Variants in KPNA1 observed in about 807,000 individuals in gnomAD.
KPNA1 encodes the protein importin subunit alpha-5.
KPNA1 carries 10 observed loss-of-function variants against 70.5 expected under a neutral mutation model. The observed-to-expected ratio is 0.14, with a 90% CI of 0.09 to 0.24. The LOEUF (loss-of-function observed/expected upper bound fraction) is 0.24. KPNA1 is among the 10% of genes least tolerant of loss of function. The pLI is 1.00. For synonymous variants in KPNA1, 192 were observed against 221.9 expected (o/e 0.87, Z 1.20); for missense variants, 397 against 637.9 (o/e 0.62, Z 4.07).
At chr3:122,490,596 G>C (rs1181458544) in intron 2 of KPNA1, among the ~76,000 whole-genome samples, 1 of 152,134 alleles carries the variant, frequency 6.6e-6, no homozygotes, top group African/African-American at 2.4e-5. Flanking sequence ...AAACTCCAGT[G>C]ATCTCAGAAA....
chr3:122,481,588 C>A (rs1330604170), intron 2 of KPNA1, among the ~76,000 whole-genome samples: 1 of 152,150 alleles, frequency 6.6e-6, no homozygotes, highest in Non-Finnish European at 1.5e-5. Context: ...CTAAAATGTT[C>A]TAAAATTGGT....
intron 2 of KPNA1, among the ~76,000 whole-genome samples, chr3:122,467,995 G>A (rs1054571368): frequency 3.3e-5 from 5 of 152,156 alleles, no homozygotes; most frequent in Non-Finnish European, 7.4e-5. Flanking sequence ...CAGCCAACGA[G>A]GGTGATTACC....
chr3:122,455,014 T>C (rs1046943779), intron 5 of KPNA1, among the ~76,000 whole-genome samples: 34 of 152,242 alleles, frequency 2.2e-4, no homozygotes, highest in African/African-American at 8.2e-4. Context: ...TTCTGTCTTC[T>C]ATTTAATAAA....
intron 5 of KPNA1, among the ~76,000 whole-genome samples, chr3:122,457,201 GATTTGCCATCT>G: frequency 6.6e-6 from 1 of 152,216 alleles, no homozygotes; most frequent in African/African-American, 2.4e-5. Flanking sequence ...ATTCCACTGA[GATTTGCCATCT>G]ATTTTTTTGT....
chr3:122,449,800 A>C, intron 8 of KPNA1, 63 bp from the exon 9 acceptor site: 3 of 1,363,280 alleles, frequency 2.2e-6, no homozygotes, highest in East Asian at 2.4e-5. Context: ...GAGGTGAGAT[A>C]CTCAAGAAGG....
At chr3:122,455,916 A>G (rs2107740322) in intron 5 of KPNA1, among the ~76,000 whole-genome samples, 2 of 152,314 alleles carry the variant, frequency 1.3e-5, no homozygotes, top group Middle Eastern at 6.8e-3. Flanking sequence ...CAACCCAGAG[A>G]TGTAAAGTAT....
chr3:122,451,887 G>C, intron 7 of KPNA1, 89 bp downstream of exon 7: 1 of 874,886 alleles, frequency 1.1e-6, no homozygotes, highest in Non-Finnish European at 1.8e-6. Context: ...AATCCAAAAT[G>C]ATTTCCAAAC....
At chr3:122,513,371 A>C (rs377530660) in intron 1 of KPNA1, among the ~76,000 whole-genome samples, 26 of 152,268 alleles carry the variant, frequency 1.7e-4, no homozygotes, top group African/African-American at 6.3e-4. Flanking sequence ...AGTGTCTTCC[A>C]AGAATATTTC....
chr3:122,438,050 T>G (rs927930680), intron 10 of KPNA1, among the ~76,000 whole-genome samples: 5 of 152,202 alleles, frequency 3.3e-5, no homozygotes, highest in African/African-American at 7.2e-5. Flanking sequence ...ATGGTTTGGA[T>G]CTGTGTCCCC....
intron 2 of KPNA1, among the ~76,000 whole-genome samples, chr3:122,492,677 A>G (rs2076713694): frequency 6.6e-6 from 1 of 152,376 alleles, no homozygotes; most frequent in South Asian, 2.1e-4. Flanking sequence ...TGGACAGCAT[A>G]GCTCAACCAT....
At chr3:122,427,238 A>G (rs529243605) in intron 13 of KPNA1, 66 bp from the exon 14 acceptor site, 5 of 1,154,492 alleles carry the variant, frequency 4.3e-6, no homozygotes, top group South Asian at 4.2e-5. Context: ...TTCCATAACT[A>G]TATATTCCTA....
At chr3:122,470,785 T>C (rs1056219227) in intron 2 of KPNA1, among the ~76,000 whole-genome samples, 2 of 150,258 alleles carry the variant, frequency 1.3e-5, no homozygotes, top group African/African-American at 2.5e-5. Context: ...ATGGAAATCA[T>C]ATAAAATGCT....
Position 122,452,500 on chromosome 3 carries a change from CGGAAGGAG to C in KPNA1, c.565-444_565-437del, listed in dbSNP as rs1165575071. 6.1e-3 allele frequency among the ~76,000 whole-genome samples: 523 copies of C among 86,232 alleles called. 37 individuals carry two copies. Among genetic ancestry groups the C allele is most frequent in the African/African-American group, 0.023 (469 of 20,488 alleles). 56.6% of individuals were successfully genotyped at this position (86,232 alleles called of 152,430 possible). On this transcript the variant is annotated intron_variant, in intron 6 of 13. Transcript: ENST00000344337. ...CTCCAGCCTGGGTGACAGGGACAGA[CGGAAGGAG>C]GGAAGGAGGGAAGGAGGGAAGGAGG...
At chr3:122,487,875 T>C (rs2076648318) in intron 2 of KPNA1, among the ~76,000 whole-genome samples, 1 of 152,134 alleles carries the variant, frequency 6.6e-6, no homozygotes, top group Non-Finnish European at 1.5e-5. Flanking sequence ...ACTGTACACT[T>C]AAAAATGAGT....
intron 2 of KPNA1, among the ~76,000 whole-genome samples, chr3:122,471,703 A>G (rs529042295): frequency 4.7e-4 from 72 of 152,266 alleles, no homozygotes; most frequent in East Asian, 9.7e-4. Flanking sequence ...TTAGCCAGGC[A>G]TGGTGGTACA....
intron 12 of KPNA1, chr3:122,433,126 C>G (rs1312931791): frequency 1.3e-5 from 2 of 152,354 alleles, no homozygotes; most frequent in East Asian, 3.9e-4. Context: ...AAGTCTTGAG[C>G]TGCTACAGCT....
intron 1 of KPNA1, among the ~76,000 whole-genome samples, chr3:122,497,687 T>C (rs562063201): frequency 2.6e-5 from 4 of 152,348 alleles, no homozygotes; most frequent in African/African-American, 9.6e-5. Flanking sequence ...AGAGCAACTT[T>C]TCACATACGT....
intron 2 of KPNA1, among the ~76,000 whole-genome samples, chr3:122,496,100 GAATT>G: frequency 6.6e-6 from 1 of 152,098 alleles, no homozygotes; most frequent in South Asian, 2.1e-4. Context: ...GGTCACTTGT[GAATT>G]AATTAACAAA....
intron 5 of KPNA1, chr3:122,459,651 A>T (rs1300964389): frequency 1.0e-5 from 10 of 985,268 alleles, no homozygotes; most frequent in Non-Finnish European, 1.2e-5. Flanking sequence ...CTGGCCTTAG[A>T]TGGGGACCAG....
Sources: allele counts gnomAD v4.1 joint callset (sites outside exome capture counted in the v4.1 genomes callset), GRCh38; gene constraint gnomAD v4.1.1; transcripts MANE v1.5; gene names NCBI Gene and HGNC (gene_info 2026-07-23, HGNC 2026-07-21).